Variants in SHISAL1 observed in about 807,000 individuals in gnomAD.
SHISAL1 encodes the protein shisa like 1, also known as protein shisa-like-1.
In SHISAL1, 9 loss-of-function variants were observed where a neutral mutation model predicts 22.6. The ratio of observed to expected loss-of-function variants is 0.40; its 90% confidence interval spans 0.24 to 0.70. SHISAL1 has a LOEUF of 0.70. SHISAL1 is among the 30% of genes least tolerant of loss of function. SHISAL1 has a pLI of 0.39. For missense variants in SHISAL1, 246 were observed against 270.6 expected, an observed-to-expected ratio of 0.91 and a Z score of 0.64; for synonymous variants, 119 against 115.4, an observed-to-expected ratio of 1.03 and a Z score of -0.20.
chr22:44,299,680 G>A (rs1041377071), intron 2 of SHISAL1, among the ~76,000 whole-genome samples: 6 of 151,914 alleles, frequency 3.9e-5, no homozygotes, highest in African/African-American at 1.2e-4. Context: ...TAGAGCATGC[G>A]GGCATGAGGA....
the SHISAL1 span, among the ~76,000 whole-genome samples, chr22:44,321,884 A>T: frequency 6.6e-6 from 1 of 152,130 alleles, no homozygotes; most frequent in Non-Finnish European, 1.5e-5. Context: ...AGCACTCTGC[A>T]TGGTCCCTCC....
At chr22:44,281,295 G>A (rs1012394762) in intron 4 of SHISAL1, among the ~76,000 whole-genome samples, 2 of 152,178 alleles carry the variant, frequency 1.3e-5, no homozygotes, top group African/African-American at 2.4e-5. Context: ...CTGGTCGGGG[G>A]AGCTGCACAC....
At chr22:44,283,016 G>T in intron 4 of SHISAL1, among the ~76,000 whole-genome samples, 1 of 152,160 alleles carries the variant, frequency 6.6e-6, no homozygotes, top group East Asian at 1.9e-4. Flanking sequence ...AGGAAAGGAG[G>T]CTCCTCCCTG....
chr22:44,303,372 G>T (rs1457224018), intron 1 of SHISAL1, among the ~76,000 whole-genome samples: 3 of 152,114 alleles, frequency 2.0e-5, no homozygotes, highest in Non-Finnish European at 4.4e-5. Context: ...GGTCATCAGG[G>T]TGAAGTAGGG....
chr22:44,314,607 G>A (rs1380900677), upstream of SHISAL1, among the ~76,000 whole-genome samples: 1 of 152,174 alleles, frequency 6.6e-6, no homozygotes, highest in Non-Finnish European at 1.5e-5. Context: ...GGGCTGCCTG[G>A]AGGGAAGGTG....
chr22:44,331,279 AC>A, the SHISAL1 span, among the ~76,000 whole-genome samples: 4 of 124,800 alleles, frequency 3.2e-5, no homozygotes, highest in Admixed American at 1.5e-4. The surrounding 1 kb of genome is among the most constrained non-coding windows in gnomAD (Gnocchi z 5.2). Flanking sequence ...AGAGCCCCGG[AC>A]CCCCGTCATA....
chr22:44,245,422 T>C lies in SHISAL1; in HGVS notation c.*4263A>G, dbSNP rs1048586609. 1.2e-4 allele frequency: 19 copies of C among 152,294 alleles called. No homozygotes were observed. The highest frequency in any genetic ancestry group is 3.9e-4 in the Admixed American group (6 of 15,274). The allele number at this position is 152,294 out of a possible 1,614,324, so 9.4% of individuals were successfully genotyped here. A position where few individuals can be genotyped will look rare whatever the true frequency, so the allele number is the denominator to read the frequency against. On this transcript the variant is annotated 3_prime_UTR_variant, in exon 5 of 5. Coordinates refer to ENST00000381176, the MANE Select transcript of SHISAL1 (RefSeq NM_001099294.2). ...CTCTGCCTTCTGGGTTCATGTTATG[T>C]TAATTTCAAACATGGGAGAAATCTG...
At chr22:44,276,828 G>T (rs1459288219) in intron 4 of SHISAL1, among the ~76,000 whole-genome samples, 1 of 146,870 alleles carries the variant, frequency 6.8e-6, no homozygotes, top group Non-Finnish European at 1.5e-5. Context: ...GGGGTCCCCA[G>T]GGGTGGGTGG....
chr22:44,303,462 A>G (rs1343187836), intron 1 of SHISAL1, among the ~76,000 whole-genome samples: 1 of 152,118 alleles, frequency 6.6e-6, no homozygotes, highest in East Asian at 1.9e-4. Flanking sequence ...CAGGGAAAAC[A>G]CTATGGGAAG....
chr22:44,287,026 C>T (rs1015662053), intron 3 of SHISAL1, among the ~76,000 whole-genome samples: 22 of 152,240 alleles, frequency 1.4e-4, no homozygotes, highest in Admixed American at 2.6e-4. Flanking sequence ...CTCGCCCAGA[C>T]GGAGGTCTCG....
the SHISAL1 span, among the ~76,000 whole-genome samples, chr22:44,330,462 A>T: frequency 6.6e-6 from 1 of 152,144 alleles, no homozygotes; most frequent in Non-Finnish European, 1.5e-5. Flanking sequence ...AGACACAAAG[A>T]GGCATCCCCA....
At chr22:44,252,158 A>G (rs1318837753) in intron 4 of SHISAL1, among the ~76,000 whole-genome samples, 1 of 152,206 alleles carries the variant, frequency 6.6e-6, no homozygotes, top group Non-Finnish European at 1.5e-5. Flanking sequence ...AGGGGTGGAG[A>G]TGAGAAGCAG....
At position 44,285,502 on chromosome 22, in the gene SHISAL1, G is replaced by A; in HGVS notation, c.525C>T (p.Ala175=). The A allele has an allele frequency of 6.2e-7, 1 of 1,613,976 alleles. No individual in the cohort carries two copies. Among genetic ancestry groups the A allele is most frequent in the South Asian group, 1.1e-5 (1 of 91,086 alleles). ...CCCGCAATGTGTGCACGGCCTGTGG[G>A]GCTTGTGGCAGCGGGCCTGGGGGAG... ...PQPPPGPLPQ[A]PQAVHTLRGD... is the part of the protein sequence containing the mutation. The change falls in exon 4 of 5, where the codon GCC becomes GCT. Residue 175 remains alanine (A), a synonymous_variant. Transcript: ENST00000381176.
chr22:44,322,868 T>C, the SHISAL1 span, among the ~76,000 whole-genome samples: 1 of 152,236 alleles, frequency 6.6e-6, no homozygotes, highest in South Asian at 2.1e-4. Flanking sequence ...AGCCTCTTCC[T>C]TGGCTGCCCT....
chr22:44,274,498 TCTC>T (rs1433729871), intron 4 of SHISAL1, among the ~76,000 whole-genome samples: 2 of 152,136 alleles, frequency 1.3e-5, no homozygotes, highest in Non-Finnish European at 1.5e-5. Context: ...CTGGAGTATG[TCTC>T]CTCCTCCTGC....
upstream of SHISAL1, among the ~76,000 whole-genome samples, chr22:44,315,854 T>C (rs1211036967): frequency 3.9e-5 from 6 of 152,188 alleles, no homozygotes. Context: ...GCCTCCTTCA[T>C]AGGCTCACAG....
chr22:44,305,493 G>T (rs889631863), intron 1 of SHISAL1, among the ~76,000 whole-genome samples: 1 of 152,234 alleles, frequency 6.6e-6, no homozygotes, highest in Non-Finnish European at 1.5e-5. Context: ...AGAGATGAAC[G>T]CACACTGCAG....
chr22:44,263,131 C>T (rs1233793824), intron 4 of SHISAL1, among the ~76,000 whole-genome samples: 9 of 131,922 alleles, frequency 6.8e-5, no homozygotes, highest in Admixed American at 4.6e-4. Context: ...CAGGCAATAG[C>T]GCAATCTTGG....
the SHISAL1 span, among the ~76,000 whole-genome samples, chr22:44,319,005 C>A: frequency 6.6e-6 from 1 of 152,250 alleles, no homozygotes; most frequent in African/African-American, 2.4e-5. Flanking sequence ...GGCTCAGACA[C>A]TTGGGGCTCA....
Sources: gnomAD v4.1 joint callset for allele counts (sites outside exome capture counted in the v4.1 genomes callset) on GRCh38, gnomAD v4.1.1 for gene constraint, Gnocchi (gnomAD v3.1) non-coding constraint, MANE v1.5 for transcripts, NCBI Gene and HGNC (gene_info 2026-07-23, HGNC 2026-07-21) for gene names.